DEUP1: variants seen among roughly 807,000 people sequenced by gnomAD.
DEUP1 encodes the protein coiled-coil domain containing 67.
In DEUP1, 82 loss-of-function variants were observed where a neutral mutation model predicts 87.4. The ratio of observed to expected loss-of-function variants is 0.94; its 90% CI spans 0.78 to 1.13. The LOEUF (loss-of-function observed/expected upper bound fraction) is 1.13. DEUP1 is among the 50% of genes most tolerant of loss of function. The pLI is 0.00. For synonymous variants in DEUP1, 214 were observed against 222.7 expected (o/e 0.96, Z 0.35); for missense variants, 663 against 681.5 (o/e 0.97, Z 0.30).
intron 2 of DEUP1, among the ~76,000 whole-genome samples, chr11:93,345,670 G>C (rs556061409): frequency 2.0e-5 from 3 of 152,158 alleles, no homozygotes; most frequent in African/African-American, 7.2e-5. Context: ...TTTGAGAAGT[G>C]TCTGTTCTTT....
At chr11:93,346,557 T>C (rs1944359007) in intron 2 of DEUP1, among the ~76,000 whole-genome samples, 1 of 152,170 alleles carries the variant, frequency 6.6e-6, no homozygotes, top group African/African-American at 2.4e-5. Flanking sequence ...AACTTCTTTC[T>C]GTTTTTTTCT....
At chr11:93,382,692 T>C (rs992846152) in intron 7 of DEUP1, among the ~76,000 whole-genome samples, 32 of 152,312 alleles carry the variant, frequency 2.1e-4, no homozygotes, top group Non-Finnish European at 1.0e-4. Flanking sequence ...GATTGCTCCC[T>C]AGTGGCAAAT....
chr11:93,437,487 G>A (rs1249636693), intron 13 of DEUP1, 56 bp from the exon 14 acceptor site: 1 of 1,381,516 alleles, frequency 7.2e-7, no homozygotes, highest in Admixed American at 2.3e-5. Context: ...CTGGAAATGG[G>A]AAGATTTTTT....
intron 4 of DEUP1, among the ~76,000 whole-genome samples, chr11:93,362,565 G>A (rs1286069763): frequency 6.6e-6 from 1 of 151,834 alleles, no homozygotes; most frequent in African/African-American, 2.4e-5. Flanking sequence ...TGTTGGAGAG[G>A]ATATGGAGAC....
At chr11:93,427,012 G>GAAAAA (rs1215051153) in intron 13 of DEUP1, among the ~76,000 whole-genome samples, 11 of 11,844 alleles carry the variant, frequency 9.3e-4, no homozygotes, top group South Asian at 6.3e-3. Context: ...AAAAAAAAAA[G>GAAAAA]AAAAAAAAAA....
chr11:93,334,293 G>A (rs562943630), intron 2 of DEUP1, among the ~76,000 whole-genome samples: 1 of 152,208 alleles, frequency 6.6e-6, no homozygotes, highest in South Asian at 2.1e-4. Context: ...ATTAAACCAT[G>A]TCATCTACAT....
chr11:93,408,427 G>A lies in DEUP1; in HGVS notation c.1523G>A (p.Arg508Lys), dbSNP rs775157668. 6.6e-7 allele frequency: 1 copy of A among 1,524,736 alleles called. No homozygotes were observed. Among genetic ancestry groups the A allele is most frequent in the South Asian group, 1.2e-5 (1 of 80,058 alleles). 94.5% of individuals were successfully genotyped at this position (1,524,736 alleles called of 1,614,324 possible). ...ATAAAAGTGGAACAAAATGAAGAGAGGTATGCTGGCTCCATTATATAAGGG... is the reference window on the plus strand; with the variant it reads ...ATAAAAGTGGAACAAAATGAAGAGAAGTATGCTGGCTCCATTATATAAGGG... The part of the protein sequence containing the change: ...SQIKVEQNEE[R>K]LSHDCEPNRS... The change falls in exon 12 of 14, where the codon AGA becomes AAA. Residue 508 changes from arginine to lysine, a missense_variant and splice_region_variant. Arg to Lys is a conservative substitution (Grantham distance 26). Transcript: ENST00000298050.
intron 5 of DEUP1, among the ~76,000 whole-genome samples, chr11:93,366,607 T>G (rs1298369873): frequency 6.6e-6 from 1 of 152,192 alleles, no homozygotes; most frequent in Non-Finnish European, 1.5e-5. Context: ...GACTCGCTAG[T>G]TGTGAAACCA....
chr11:93,346,011 A>C (rs3019220), intron 2 of DEUP1, among the ~76,000 whole-genome samples: 85,872 of 151,870 alleles, frequency 0.57, 24,757 homozygotes, highest in Admixed American at 0.67. Flanking sequence ...AGTCTTTAAT[A>C]CAGCTTGAGT....
At chr11:93,437,037 T>G (rs778915511) in intron 13 of DEUP1, among the ~76,000 whole-genome samples, 38 of 152,128 alleles carry the variant, frequency 2.5e-4, no homozygotes, top group Non-Finnish European at 4.7e-4. Context: ...CATCAAGCCT[T>G]CCCTACTAGG....
rs1946945785 is a variant in DEUP1 at position 93,396,340 on chromosome 11, T to G, written c.1326+15T>G. On this transcript the variant is annotated intron_variant, in intron 11 of 13. Transcript: ENST00000298050. ...GAGAATACATGGTAATATGCTGACATCATTCAATAAATTGAACAAAGAGAT... is the reference window on the plus strand; with the variant it reads ...GAGAATACATGGTAATATGCTGACAGCATTCAATAAATTGAACAAAGAGAT... 1 of 1,426,482 alleles carries G rather than the reference T, an allele frequency of 7.0e-7. No homozygotes were observed. The highest frequency in any genetic ancestry group is 1.4e-5 in the African/African-American group (1 of 69,712). 88.4% of individuals were successfully genotyped at this position (1,426,482 alleles called of 1,614,324 possible). A position where few individuals can be genotyped will look rare whatever the true frequency, so the allele number is the denominator to read the frequency against.
Position 93,355,474 on chromosome 11 carries a change from A to G in DEUP1, c.133A>G (p.Thr45Ala). ...GGAAAGAAAGATGCGGGCTTTGGAG[A>G]CACGATTAGATCTTCGGGATCAAGA... ...DWERKMRALETRLDLRDQELA... is the reference protein window; with the variant it reads ...DWERKMRALEARLDLRDQELA... The change falls in exon 3 of 14, where the codon ACA becomes GCA. Residue 45 changes from threonine to alanine, a missense_variant. Thr to Ala is a moderately conservative substitution (Grantham distance 58). Transcript: ENST00000298050. 2 of 1,613,854 alleles carry G rather than the reference A, an allele frequency of 1.2e-6. No individual in the cohort carries two copies. Among genetic ancestry groups the G allele is most frequent in the Non-Finnish European group, 1.7e-6 (2 of 1,179,804 alleles).
Position 93,437,886 on chromosome 11 carries a change from A to C in DEUP1, c.*167A>C, listed in dbSNP as rs1382653429. 2.0e-5 allele frequency: 10 copies of C among 510,050 alleles called. No individual in the cohort carries two copies. The East Asian group carries it at 3.2e-4, about 16-fold the overall frequency. 31.6% of individuals were successfully genotyped at this position (510,050 alleles called of 1,614,324 possible). A position where few individuals can be genotyped will look rare whatever the true frequency, so the allele number is the denominator to read the frequency against. ...AAAATAGTAAGTATTTTGTTCTATAAAGCTGTTCACATTTCTGCATTAACA... is the reference window on the plus strand; with the variant it reads ...AAAATAGTAAGTATTTTGTTCTATACAGCTGTTCACATTTCTGCATTAACA... On this transcript the variant is annotated 3_prime_UTR_variant, in exon 14 of 14. Coordinates refer to ENST00000298050, the MANE Select transcript of DEUP1 (RefSeq NM_181645.4).
intron 13 of DEUP1, among the ~76,000 whole-genome samples, chr11:93,417,745 A>T (rs1376796668): frequency 4.0e-5 from 6 of 150,778 alleles, no homozygotes; most frequent in African/African-American, 7.4e-5. Flanking sequence ...CCAAAAGAAC[A>T]AAGCTGGAGG....
intron 1 of DEUP1, among the ~76,000 whole-genome samples, chr11:93,331,577 G>A (rs1220917405): frequency 1.3e-5 from 2 of 152,080 alleles, no homozygotes; most frequent in Non-Finnish European, 2.9e-5. Flanking sequence ...ACCTTTAGGG[G>A]AACCACAAGA....
At chr11:93,375,456 C>T (rs893745724) in intron 7 of DEUP1, among the ~76,000 whole-genome samples, 1 of 152,126 alleles carries the variant, frequency 6.6e-6, no homozygotes, top group African/African-American at 2.4e-5. Flanking sequence ...AAGGTATGTC[C>T]TTTCCATGCC....
rs1188232555 is a variant in DEUP1, at chr11:93,385,465, T to C, written c.857T>C (p.Ile286Thr). 9 of 1,612,238 alleles carry C rather than the reference T, an allele frequency of 5.6e-6. No individual in the cohort carries two copies. Among genetic ancestry groups the C allele is most frequent in the Admixed American group, 1.7e-5 (1 of 59,840 alleles). The stretch of plus-strand genomic sequence containing the variant: ...TCACGTGATGATCTCTTGAGAATTA[T>C]AGAAATGGAACGATTGCAATTACAC... ...LQSRDDLLRIIEMERLQLHRE... is the reference protein window; with the variant it reads ...LQSRDDLLRITEMERLQLHRE... Residue 286 changes from isoleucine (I) to threonine (T), a missense_variant, in exon 8 of 14, where the codon ATA (isoleucine) becomes ACA (threonine). By Grantham distance (89) the Ile-to-Thr change is moderately conservative. Transcript: ENST00000298050.
In DEUP1 at chr11:93,332,411, C is replaced by T; in HGVS notation, c.29+123C>T. On this transcript the variant is annotated intron_variant, in intron 2 of 13. Transcript: ENST00000298050. ...GATATGCCAATTATTTTTGGTGAGG[C>T]GGATGAGAGGAAATATGAAGTGACT... is the stretch of plus-strand genomic sequence containing the variant. 8 of 696,796 alleles carry T rather than the reference C, an allele frequency of 1.1e-5. No individual in the cohort carries two copies. The South Asian group carries it at 1.6e-4, about 14-fold the overall frequency. 43.2% of individuals were successfully genotyped at this position (696,796 alleles called of 1,614,324 possible). A position where few individuals can be genotyped will look rare whatever the true frequency, so the allele number is the denominator to read the frequency against.
At chr11:93,387,418 T>A (rs1281114196) in intron 8 of DEUP1, among the ~76,000 whole-genome samples, 46 of 152,168 alleles carry the variant, frequency 3.0e-4, no homozygotes. Context: ...ACTTTCTCAA[T>A]AATGCTAAGC....
Sources: gnomAD v4.1 joint callset for allele counts (sites outside exome capture counted in the v4.1 genomes callset) on GRCh38, gnomAD v4.1.1 for gene constraint, MANE v1.5 for transcripts, NCBI Gene and HGNC (gene_info 2026-07-23, HGNC 2026-07-21) for gene names.